Variants in TDRD7 observed in about 807,000 individuals in gnomAD.
TDRD7 encodes the protein tudor domain-containing protein 7.
Under a neutral mutation model 109.8 loss-of-function variants are expected in TDRD7, and 47 were observed. The observed-to-expected ratio is 0.43, with a 90% CI of 0.34 to 0.55. The LOEUF is 0.55. Among genes scored for constraint, TDRD7 ranks in the 20% least tolerant of loss-of-function variants. The pLI, the probability that TDRD7 is intolerant of heterozygous loss-of-function variation, is 0.03. For synonymous variants in TDRD7, 424 were observed against 457.3 expected (o/e 0.93, Z 0.93); for missense variants, 1,164 against 1,319.2 (o/e 0.88, Z 1.82).
chr9:97,415,429 G>T (rs536424292), intron 1 of TDRD7, among the ~76,000 whole-genome samples: 19 of 152,274 alleles, frequency 1.2e-4, no homozygotes, highest in African/African-American at 4.1e-4. Context: ...TTCAGAATAG[G>T]ACTTCCTTGG....
At chr9:97,473,848 T>G (rs1183651436) in intron 11 of TDRD7, among the ~76,000 whole-genome samples, 5 of 152,164 alleles carry the variant, frequency 3.3e-5, no homozygotes, top group African/African-American at 4.8e-5. Flanking sequence ...AGCAATAGTG[T>G]GTACCCTATA....
chr9:97,431,175 C>T, intron 3 of TDRD7, 101 bp downstream of exon 3: 1 of 1,520,094 alleles, frequency 6.6e-7, no homozygotes, highest in African/African-American at 1.4e-5. Context: ...ATACTTGTAT[C>T]TGTTAACATA....
intron 1 of TDRD7, among the ~76,000 whole-genome samples, chr9:97,421,615 G>A (rs1827900458): frequency 6.6e-6 from 1 of 151,716 alleles, no homozygotes; most frequent in East Asian, 1.9e-4. Context: ...TTTGAGACAG[G>A]TTCTCACTCT....
At chr9:97,458,877 T>C (rs148079631) in intron 6 of TDRD7, among the ~76,000 whole-genome samples, 280 of 152,330 alleles carry the variant, frequency 1.8e-3, no homozygotes, top group East Asian at 0.015. Flanking sequence ...TAAATGTTTA[T>C]GTTCACTCTT....
At chr9:97,414,628 A>T (rs1220743484) in intron 1 of TDRD7, among the ~76,000 whole-genome samples, 1 of 152,206 alleles carries the variant, frequency 6.6e-6, no homozygotes, top group Non-Finnish European at 1.5e-5. Flanking sequence ...GAAATCCCTT[A>T]CTTACGTACA....
chr9:97,483,439 G>A lies in TDRD7; in HGVS notation c.2915+88G>A, dbSNP rs144646419. 1,266 of 1,481,990 alleles carry A rather than the reference G, an allele frequency of 8.5e-4. 1 individual carries two copies. Among genetic ancestry groups the A allele is most frequent in the Non-Finnish European group, 1.0e-3 (1,134 of 1,080,860 alleles). 91.8% of individuals were successfully genotyped at this position (1,481,990 alleles called of 1,614,324 possible). On this transcript the variant is annotated intron_variant, in intron 15 of 16. Transcript: ENST00000355295. Reference sequence around the variant, plus strand: ...GTCTTAATCTTGGCGGGGGGACTTCGAACTGTACTAATGGGAATTTTGAAT... The same window carrying A: ...GTCTTAATCTTGGCGGGGGGACTTCAAACTGTACTAATGGGAATTTTGAAT...
chr9:97,434,818 A>G (rs944012869), intron 4 of TDRD7, among the ~76,000 whole-genome samples: 6 of 152,196 alleles, frequency 3.9e-5, no homozygotes, highest in Non-Finnish European at 7.3e-5. Flanking sequence ...TACACAGAAT[A>G]TGTCTCCACA....
intron 16 of TDRD7, among the ~76,000 whole-genome samples, chr9:97,494,007 T>C (rs1029130459): frequency 5.3e-5 from 8 of 152,186 alleles, no homozygotes; most frequent in Middle Eastern, 3.2e-3. Context: ...GTTAACGCAA[T>C]CATCACAGGG....
At chr9:97,477,173 AG>A (rs1435989019) in intron 12 of TDRD7, among the ~76,000 whole-genome samples, 1 of 152,256 alleles carries the variant, frequency 6.6e-6, no homozygotes, top group Non-Finnish European at 1.5e-5. Flanking sequence ...TAGCACAAAG[AG>A]GTCTCATTGG....
At chr9:97,434,406 G>C (rs984705549) in intron 4 of TDRD7, among the ~76,000 whole-genome samples, 1 of 152,080 alleles carries the variant, frequency 6.6e-6, no homozygotes, top group Non-Finnish European at 1.5e-5. Flanking sequence ...AGGAGAAATA[G>C]GTTCAATACA....
At chr9:97,462,305 C>T (rs1014634145) in intron 7 of TDRD7, among the ~76,000 whole-genome samples, 1 of 152,178 alleles carries the variant, frequency 6.6e-6, no homozygotes, top group Non-Finnish European at 1.5e-5. Flanking sequence ...ATGATTATGT[C>T]CAGGGTCGTC....
chr9:97,443,141 T>C (rs16920392), intron 6 of TDRD7, among the ~76,000 whole-genome samples: 11,561 of 152,264 alleles, frequency 0.076, 704 homozygotes, highest in African/African-American at 0.17. Context: ...CACTTGAGTC[T>C]GTGGCCTCTT....
At chr9:97,474,396 A>G (rs547213592) in intron 11 of TDRD7, among the ~76,000 whole-genome samples, 1 of 152,194 alleles carries the variant, frequency 6.6e-6, no homozygotes, top group African/African-American at 2.4e-5. Context: ...CAGGGCATTC[A>G]TATTCAGGTT....
In TDRD7 at chr9:97,478,426, T is replaced by C. The variant is rs748278954; in HGVS notation, c.2167-13T>C. On this transcript the variant is annotated splice_polypyrimidine_tract_variant and intron_variant, in intron 12 of 16. Transcript: ENST00000355295. ...ATATGCTAATAAATGAGCCAACACTTATCTCATTTCAGATCACAAATGTTC... is the reference window on the plus strand; with the variant it reads ...ATATGCTAATAAATGAGCCAACACTCATCTCATTTCAGATCACAAATGTTC... 6.2e-7 allele frequency: 1 copy of C among 1,614,014 alleles called. No homozygotes were observed. The highest frequency in any genetic ancestry group is 8.5e-7 in the Non-Finnish European group (1 of 1,179,942).
chr9:97,431,985 G>A (rs1828111380), intron 3 of TDRD7, 40 bp from the exon 4 acceptor site: 1 of 1,565,284 alleles, frequency 6.4e-7, no homozygotes. Context: ...TGGGGTTTGG[G>A]GATGCTAATT....
intron 1 of TDRD7, among the ~76,000 whole-genome samples, chr9:97,420,994 G>A (rs1827889913): frequency 2.6e-5 from 4 of 152,064 alleles, no homozygotes; most frequent in Admixed American, 2.6e-4. Flanking sequence ...AATTAGCTGG[G>A]CGAGGTGGTG....
In TDRD7 at chr9:97,445,260, A is replaced by G. The variant is rs547668060; in HGVS notation, c.855+3385A>G. The stretch of plus-strand genomic sequence containing the variant: ...CTGTTCTAGAGCAGTAGTCTTGTTA[A>G]TAGTGCTCTCGTTTAACTGTTGTAT... On this transcript the variant is annotated intron_variant, in intron 6 of 16. Coordinates refer to ENST00000355295, the MANE Select transcript of TDRD7 (RefSeq NM_014290.3). Among the ~76,000 whole-genome samples, 4 of 147,566 alleles carry G rather than the reference A, an allele frequency of 2.7e-5. No individual in the cohort carries two copies. In the South Asian group the frequency reaches 8.6e-4, roughly 32 times the overall value.
Position 97,472,446 on chromosome 9 carries a change from C to G in TDRD7, c.1895C>G (p.Ala632Gly). The G allele has an allele frequency of 6.2e-7, 1 of 1,613,798 alleles. No individual in the cohort carries two copies. The highest frequency in any genetic ancestry group is 1.1e-5 in the South Asian group (1 of 91,068). ...GGAGAAGATGATATCAATATCAATG[C>G]CACCTGCTTGAAGGCTATATGTGAC... The part of the protein sequence containing the change: ...TSGEDDININ[A>G]TCLKAICDKS... The change falls in exon 10 of 17, where the codon GCC (alanine) becomes GGC (glycine). Residue 632 changes from alanine (A) to glycine (G), a missense_variant. Physicochemically the swap from Ala to Gly is moderately conservative, Grantham distance 60 (BLOSUM62 0). Transcript: ENST00000355295.
At chr9:97,425,854 G>A (rs1827984493) in intron 1 of TDRD7, among the ~76,000 whole-genome samples, 1 of 152,124 alleles carries the variant, frequency 6.6e-6, no homozygotes, top group Admixed American at 6.5e-5. Flanking sequence ...TTATAGAGTG[G>A]ACTCACAAAC....
Sources: allele counts gnomAD v4.1 joint callset (sites outside exome capture counted in the v4.1 genomes callset), GRCh38; gene constraint gnomAD v4.1.1; transcripts MANE v1.5; gene names NCBI Gene and HGNC (gene_info 2026-07-23, HGNC 2026-07-21).